The following GLI2 variants were observed in gnomAD, a reference collection of about 807,000 sequenced individuals.
GLI2 encodes GLI family zinc finger 2.
A neutral mutation model predicts 78.9 loss-of-function variants in GLI2; 22 were observed. The observed-to-expected ratio is 0.28, with a 90% confidence interval of 0.20 to 0.40. The LOEUF (loss-of-function observed/expected upper bound fraction) is 0.40, where lower values mean the gene tolerates loss of function less well. Among genes scored for constraint, GLI2 ranks in the 10% least tolerant of loss-of-function variants. The probability of loss-of-function intolerance (pLI) is 1.00; values close to 1 mark genes in which losing one functional copy is unlikely to be tolerated. For missense variants in GLI2, 2,097 were observed against 2,213.2 expected (o/e 0.95, Z 1.05); for synonymous variants, 974 against 963.7 (o/e 1.01, Z -0.20).
chr2:120,917,307 T>G (rs1013348971), intron 2 of GLI2, among the ~76,000 whole-genome samples: 1 of 152,276 alleles, frequency 6.6e-6, no homozygotes, highest in Admixed American at 6.5e-5. Flanking sequence ...ACTCTCACTT[T>G]CTTTCTCTCT....
At chr2:120,930,012 G>A (rs1431235227) in intron 3 of GLI2, among the ~76,000 whole-genome samples, 1 of 152,222 alleles carries the variant, frequency 6.6e-6, no homozygotes, top group Non-Finnish European at 1.5e-5. Flanking sequence ...AGTCATGTTT[G>A]GCTGGTTCCA....
chr2:120,803,222 A>G (rs1684783609), intron 2 of GLI2, among the ~76,000 whole-genome samples: 1 of 152,202 alleles, frequency 6.6e-6, no homozygotes, highest in African/African-American at 2.4e-5. Flanking sequence ...AGGCTCTGGA[A>G]CCAGGCTGCC....
intron 6 of GLI2, among the ~76,000 whole-genome samples, chr2:120,969,381 AGTCT>A (rs1558924044): frequency 6.6e-6 from 1 of 152,166 alleles, no homozygotes; most frequent in East Asian, 1.9e-4. Flanking sequence ...GTGCGGCTCT[AGTCT>A]GTCTGAGGAC....
At chr2:120,963,866 A>T (rs1306242878) in intron 5 of GLI2, among the ~76,000 whole-genome samples, 2 of 152,236 alleles carry the variant, frequency 1.3e-5, no homozygotes, top group Non-Finnish European at 2.9e-5. Flanking sequence ...TAACACTTTA[A>T]AGTTTGAAGG....
At chr2:120,971,030 G>C (rs539358099) in intron 7 of GLI2, among the ~76,000 whole-genome samples, 2 of 152,212 alleles carry the variant, frequency 1.3e-5, no homozygotes, top group African/African-American at 4.8e-5. Context: ...GGGCATCCTA[G>C]TACAGTGCCT....
chr2:120,980,262 G>A (rs970783968), intron 10 of GLI2, among the ~76,000 whole-genome samples: 5 of 152,166 alleles, frequency 3.3e-5, no homozygotes, highest in Non-Finnish European at 4.4e-5. Flanking sequence ...ATGAATGAGG[G>A]TTCTGATTTC....
At chr2:120,955,886 G>A (rs1681238262) in intron 5 of GLI2, among the ~76,000 whole-genome samples, 1 of 152,062 alleles carries the variant, frequency 6.6e-6, no homozygotes, top group Admixed American at 6.6e-5. Context: ...AGTGCAAAGG[G>A]CCTGAGGCAG....
intron 2 of GLI2, among the ~76,000 whole-genome samples, chr2:120,831,724 G>T (rs527926735): frequency 2.0e-5 from 3 of 152,278 alleles, no homozygotes; most frequent in African/African-American, 7.2e-5. Context: ...CTGGTCTGGT[G>T]GCTGGGAGTG....
chr2:120,953,222 A>G (rs985512299), intron 4 of GLI2, among the ~76,000 whole-genome samples: 6 of 152,238 alleles, frequency 3.9e-5, no homozygotes, highest in African/African-American at 1.4e-4. Context: ...ACACACTGAG[A>G]AGGCAGACAC....
At chr2:120,970,021 C>T (rs1573700829) in intron 6 of GLI2, among the ~76,000 whole-genome samples, 1 of 152,116 alleles carries the variant, frequency 6.6e-6, no homozygotes, top group South Asian at 2.1e-4. Flanking sequence ...GATGAGGGGG[C>T]ATTGGAACAG....
chr2:120,825,742 C>T (rs2104757750), intron 2 of GLI2, among the ~76,000 whole-genome samples: 1 of 152,380 alleles, frequency 6.6e-6, no homozygotes, highest in East Asian at 1.9e-4. Flanking sequence ...GCCCTCCCTC[C>T]ATGTCCCCCT....
In GLI2 at chr2:120,952,543, G is replaced by A. The variant is rs185117932; in HGVS notation, c.457+1098G>A. 1.4e-3 allele frequency among the ~76,000 whole-genome samples: 219 copies of A among 152,346 alleles called. 1 individual carries two copies. The highest frequency in any genetic ancestry group is 2.7e-3 in the Non-Finnish European group (183 of 68,036). ...AATGTGCAGAAGGGCTCCCTGAATC[G>A]TTGACTCATCTTCCTGGCACGGAGG... is the stretch of plus-strand genomic sequence containing the variant. On this transcript the variant is annotated intron_variant, in intron 4 of 13. Coordinates refer to ENST00000361492, the MANE Select transcript of GLI2 (RefSeq NM_001374353.1).
intron 1 of GLI2, among the ~76,000 whole-genome samples, chr2:120,776,011 A>C (rs1683667856): frequency 6.6e-6 from 1 of 152,192 alleles, no homozygotes; most frequent in Non-Finnish European, 1.5e-5. Flanking sequence ...TAGCCTGCCC[A>C]GGGGCTGGGA....
intron 2 of GLI2, among the ~76,000 whole-genome samples, chr2:120,915,786 G>C (rs868365382): frequency 6.6e-6 from 1 of 152,136 alleles, no homozygotes; most frequent in Non-Finnish European, 1.5e-5. Context: ...TTTCATTCAT[G>C]TACCATCGAA....
At chr2:120,828,651 A>G (rs556818705) in intron 2 of GLI2, among the ~76,000 whole-genome samples, 1 of 152,308 alleles carries the variant, frequency 6.6e-6, no homozygotes, top group East Asian at 1.9e-4. Context: ...CTTGGGAAAG[A>G]AAAGAAAGTT....
intron 2 of GLI2, among the ~76,000 whole-genome samples, chr2:120,919,657 C>T (rs1484215228): frequency 1.3e-5 from 2 of 152,250 alleles, no homozygotes; most frequent in African/African-American, 2.4e-5. Context: ...GGATTCACAC[C>T]TGCAGCATGG....
chr2:120,879,828 C>T (rs930402710), intron 2 of GLI2, among the ~76,000 whole-genome samples: 3 of 152,170 alleles, frequency 2.0e-5, no homozygotes, highest in African/African-American at 4.8e-5. Context: ...TATGAGAGCC[C>T]GTCTGCCGCG....
intron 1 of GLI2, among the ~76,000 whole-genome samples, chr2:120,792,825 G>A (rs1684210962): frequency 6.6e-6 from 1 of 152,124 alleles, no homozygotes; most frequent in Non-Finnish European, 1.5e-5. Flanking sequence ...CTTTCATCAT[G>A]TTGGTCAAGA....
At chr2:120,839,865 T>A (rs911611266) in intron 2 of GLI2, among the ~76,000 whole-genome samples, 24 of 152,202 alleles carry the variant, frequency 1.6e-4, no homozygotes, top group African/African-American at 5.5e-4. Flanking sequence ...ACCCAGCCTT[T>A]TCACAGAGTT....
Sources: allele counts gnomAD v4.1 joint callset (sites outside exome capture counted in the v4.1 genomes callset), GRCh38; gene constraint gnomAD v4.1.1; transcripts MANE v1.5; gene names NCBI Gene and HGNC (gene_info 2026-07-23, HGNC 2026-07-21).